Variants in MARK3 observed in about 807,000 individuals in gnomAD.
The protein encoded by MARK3 is MAP/microtubule affinity-regulating kinase 3.
A neutral mutation model predicts 90.1 loss-of-function variants in MARK3; 46 were observed. The ratio of observed to expected loss-of-function variants is 0.51; its 90% CI spans 0.40 to 0.65. MARK3 has a LOEUF of 0.65. Ranked by LOEUF, MARK3 falls within the 30% of genes least tolerant of loss-of-function variation. MARK3 has a pLI of 0.00. For synonymous variants in MARK3, 321 were observed against 332.6 expected (o/e 0.97, Z 0.38); for missense variants, 818 against 947.2 (o/e 0.86, Z 1.79).
intron 4 of MARK3, among the ~76,000 whole-genome samples, chr14:103,450,117 C>T (rs2093096352): frequency 6.6e-6 from 1 of 151,902 alleles, no homozygotes; most frequent in Non-Finnish European, 1.5e-5. Flanking sequence ...GCTAGCAAGC[C>T]TTCATCCTGA....
At chr14:103,447,034 G>A (rs2093014644) in intron 3 of MARK3, among the ~76,000 whole-genome samples, 1 of 152,066 alleles carries the variant, frequency 6.6e-6, no homozygotes, top group Admixed American at 6.6e-5. Flanking sequence ...TGTTTATGTT[G>A]GAGATAAAAA....
intron 3 of MARK3, among the ~76,000 whole-genome samples, chr14:103,436,039 C>T (rs551606727): frequency 6.6e-6 from 1 of 152,128 alleles, no homozygotes; most frequent in South Asian, 2.1e-4. Flanking sequence ...TACAGGCACC[C>T]GCTGCCACAC....
chr14:103,389,966 A>AAT (rs2090120076), intron 1 of MARK3, among the ~76,000 whole-genome samples: 1 of 107,022 alleles, frequency 9.3e-6, no homozygotes, highest in Non-Finnish European at 1.9e-5. Flanking sequence ...AAAAAAAAAA[A>AAT]GGCCGGGCGC....
intron 15 of MARK3, among the ~76,000 whole-genome samples, chr14:103,493,944 T>C (rs1044161388): frequency 1.3e-5 from 2 of 151,474 alleles, no homozygotes; most frequent in African/African-American, 4.9e-5. Flanking sequence ...ATTTTAAGAC[T>C]AGTATTGGGC....
intron 6 of MARK3, chr14:103,458,837 A>G (rs1182328661): frequency 3.2e-6 from 2 of 617,270 alleles, no homozygotes; most frequent in East Asian, 2.8e-5. Flanking sequence ...AACGTTGCTT[A>G]TATTTTGCTG....
In MARK3 at chr14:103,405,148, T is replaced by A; in HGVS notation, c.124T>A (p.Ser42Thr). The stretch of plus-strand genomic sequence containing the variant: ...CCGCTCAGGAGCTCGGTGTAGAAAC[T>A]CTATAGCCTCCTGTGCAGATGAACA... ...TSRSGARCRN[S>T]IASCADEQPH... Residue 42 changes from serine to threonine, a missense_variant, in exon 2 of 18, where the codon TCT (serine) becomes ACT (threonine). This residue lies in a region of MARK3 where 157 missense variants were observed against 158.7 expected (regional missense o/e 0.99). Transcript: ENST00000429436. 2 of 1,613,004 alleles carry A rather than the reference T, an allele frequency of 1.2e-6. No individual in the cohort carries two copies. The highest frequency in any genetic ancestry group is 1.7e-4 in the Middle Eastern group (1 of 6,060).
At chr14:103,448,240 A>G (rs1373651800) in intron 3 of MARK3, among the ~76,000 whole-genome samples, 1 of 152,176 alleles carries the variant, frequency 6.6e-6, no homozygotes, top group Non-Finnish European at 1.5e-5. Context: ...AGAGCAAGCC[A>G]TGACGCCCAA....
chr14:103,442,365 G>A (rs528263456), intron 3 of MARK3, among the ~76,000 whole-genome samples: 331 of 29,078 alleles, frequency 0.011, no homozygotes, highest in African/African-American at 0.025. Context: ...GTGAGACTCC[G>A]TCTCAAAAAA....
chr14:103,391,709 AT>A (rs71126012), intron 1 of MARK3, among the ~76,000 whole-genome samples: 10,101 of 68,582 alleles, frequency 0.15, 613 homozygotes, highest in Middle Eastern at 0.23. Flanking sequence ...ATGCCTGGCT[AT>A]TTTTTTTTTT....
intron 10 of MARK3, among the ~76,000 whole-genome samples, chr14:103,466,736 GGCTCACGCCTGT>G (rs1433463333): frequency 2.0e-5 from 3 of 152,146 alleles, no homozygotes; most frequent in Non-Finnish European, 4.4e-5. Context: ...CGGGCGTGGT[GGCTCACGCCTGT>G]AATCCCAGCA....
chr14:103,391,602 G>C (rs915348913), intron 1 of MARK3, among the ~76,000 whole-genome samples: 61 of 150,214 alleles, frequency 4.1e-4, no homozygotes, highest in African/African-American at 1.3e-3. Flanking sequence ...GGAGTGCAGT[G>C]GTGCAATCTC....
intron 14 of MARK3, among the ~76,000 whole-genome samples, chr14:103,484,259 C>T (rs2141914883): frequency 6.6e-6 from 1 of 151,972 alleles, no homozygotes; most frequent in South Asian, 2.1e-4. Context: ...GTCACTGCAA[C>T]CTCCATCTCC....
chr14:103,502,947 C>T lies in MARK3; in HGVS notation c.1982C>T (p.Thr661Ile). ...KEAKPRSLRF[T>I]WSMKTTSSMD... ...GCAAAGCCTCGATCCCTACGCTTCA[C>T]CTGGAGCATGAAAACCACTAGTTCA... The change falls in exon 18 of 18, where the codon ACC (threonine) becomes ATC (isoleucine). Residue 661 changes from threonine to isoleucine, a missense_variant. Physicochemically the swap from Thr to Ile is moderately conservative, Grantham distance 89 (BLOSUM62 -1). Coordinates refer to ENST00000429436, the MANE Select transcript of MARK3 (RefSeq NM_001128918.3). 6.2e-7 allele frequency: 1 copy of T among 1,614,238 alleles called. No individual in the cohort carries two copies. Among genetic ancestry groups the T allele is most frequent in the Middle Eastern group, 1.6e-4 (1 of 6,062 alleles).
chr14:103,418,073 G>C (rs1456406408), intron 2 of MARK3, among the ~76,000 whole-genome samples: 12 of 152,090 alleles, frequency 7.9e-5, no homozygotes, highest in Non-Finnish European at 2.9e-5. Flanking sequence ...TGTCTCAAAA[G>C]AAAGAAAGCT....
intron 14 of MARK3, among the ~76,000 whole-genome samples, chr14:103,483,676 C>A (rs956899928): frequency 2.0e-5 from 3 of 152,142 alleles, no homozygotes; most frequent in African/African-American, 7.2e-5. Context: ...ACCTGTGATT[C>A]GTTTTCTGAG....
chr14:103,460,959 C>G (rs1026032788), intron 6 of MARK3, among the ~76,000 whole-genome samples: 2 of 152,142 alleles, frequency 1.3e-5, no homozygotes, highest in Non-Finnish European at 2.9e-5. Context: ...GTCTGATATT[C>G]TGAATGTTAA....
chr14:103,395,071 C>T (rs566031447), intron 1 of MARK3, among the ~76,000 whole-genome samples: 12 of 152,152 alleles, frequency 7.9e-5, no homozygotes, highest in Non-Finnish European at 1.8e-4. Flanking sequence ...TGAGCCACAG[C>T]GCCTGGCCAC....
chr14:103,497,506 C>G lies in MARK3; in HGVS notation c.1845-996C>G, dbSNP rs865798599. Among the ~76,000 whole-genome samples, 34 of 152,294 alleles carry G rather than the reference C, an allele frequency of 2.2e-4. No homozygotes were observed. The Middle Eastern group carries it at 0.014, about 61-fold the overall frequency. On this transcript the variant is annotated intron_variant, in intron 15 of 17. Transcript: ENST00000429436. ...GTCAGATTATTTTCAGCACAACCTG[C>G]ACATCTCCTTAAATTTTTTTAATGA...
At chr14:103,498,657 C>A in intron 16 of MARK3, 129 bp downstream of exon 16, 1 of 868,246 alleles carries the variant, frequency 1.2e-6, no homozygotes, top group Non-Finnish European at 1.5e-6. Context: ...TAACTAAATA[C>A]TTAATTCCTT....
Sources: gnomAD v4.1 joint callset for allele counts (sites outside exome capture counted in the v4.1 genomes callset) on GRCh38, gnomAD v4.1.1 for gene constraint, gnomAD v4.1.1 regional missense constraint, MANE v1.5 for transcripts, NCBI Gene and HGNC (gene_info 2026-07-23, HGNC 2026-07-21) for gene names.